SMYD3: variants seen among roughly 807,000 people sequenced by gnomAD.
SMYD3 encodes SET and MYND domain containing 3.
SMYD3 carries 36 observed loss-of-function variants against 57.7 expected under a neutral mutation model. The observed-to-expected ratio is 0.62, with a 90% CI of 0.48 to 0.82. The LOEUF (loss-of-function observed/expected upper bound fraction) is 0.82, where lower values mean the gene tolerates loss of function less well. Ranked by LOEUF, SMYD3 falls within the 40% of genes least tolerant of loss-of-function variation. The pLI, the probability that SMYD3 is intolerant of heterozygous loss-of-function variation, is 0.00. For missense variants in SMYD3, 515 were observed against 538.8 expected, an observed-to-expected ratio of 0.96 and a Z score of 0.44; for synonymous variants, 211 against 195.0, an observed-to-expected ratio of 1.08 and a Z score of -0.68.
rs1347930723 is a variant in SMYD3 at position 246,203,546 on chromosome 1, C to T, written c.531+123655G>A. Among the ~76,000 whole-genome samples, 2 of 152,210 alleles carry T rather than the reference C, an allele frequency of 1.3e-5. No individual in the cohort carries two copies. The highest frequency in any genetic ancestry group is 2.9e-5 in the Non-Finnish European group (2 of 68,042). On this transcript the variant is annotated intron_variant, in intron 5 of 11. Transcript: ENST00000490107. The surrounding 1 kb of genome is among the most constrained non-coding windows in gnomAD (Gnocchi z 4.6). ...TGGAGGAGCCACTGTCTTGCTGCCT[C>T]CTGACACGGCAGTCCCTCTGCGCAC...
At chr1:246,012,083 A>C (rs1024146232) in intron 5 of SMYD3, among the ~76,000 whole-genome samples, 1 of 152,160 alleles carries the variant, frequency 6.6e-6, no homozygotes, top group African/African-American at 2.4e-5. Flanking sequence ...CGATGACTGA[A>C]CATAAGCCAA....
At chr1:246,350,867 C>T (rs541555488) in intron 2 of SMYD3, among the ~76,000 whole-genome samples, 2 of 152,164 alleles carry the variant, frequency 1.3e-5, no homozygotes, top group African/African-American at 4.8e-5. Flanking sequence ...AACTGAAATA[C>T]GACCAAATCG....
At chr1:246,218,086 T>C (rs2063191481) in intron 5 of SMYD3, among the ~76,000 whole-genome samples, 1 of 152,138 alleles carries the variant, frequency 6.6e-6, no homozygotes, top group African/African-American at 2.4e-5. Flanking sequence ...TGCAGTTACA[T>C]GACCATCACG....
rs541876414 is a variant in SMYD3, at chr1:245,812,400, A to G, written c.1076+46096T>C. Among the ~76,000 whole-genome samples the G allele has an allele frequency of 9.9e-5, 15 of 152,254 alleles. No homozygotes were observed. In the South Asian group the frequency reaches 3.1e-3, roughly 32 times the overall value. Reference sequence around the variant, plus strand: ...TGTAAACCTTCCCCTACTACCAGGCACCACCACTGCTATCTGATGGCCGCA... The same window carrying G: ...TGTAAACCTTCCCCTACTACCAGGCGCCACCACTGCTATCTGATGGCCGCA... On this transcript the variant is annotated intron_variant, in intron 10 of 11. Transcript: ENST00000490107.
intron 5 of SMYD3, among the ~76,000 whole-genome samples, chr1:246,236,957 AC>A (rs530906552): frequency 2.6e-5 from 4 of 152,102 alleles, no homozygotes; most frequent in Non-Finnish European, 5.9e-5. Flanking sequence ...CCATTCCTCC[AC>A]CTTGCTGGGC....
intron 5 of SMYD3, among the ~76,000 whole-genome samples, chr1:246,020,312 C>A (rs61839429): frequency 0.17 from 25,173 of 152,166 alleles, 2,570 homozygotes; most frequent in East Asian, 0.39. Context: ...CTGTGATTTT[C>A]AACGAGAAAT....
intron 11 of SMYD3, among the ~76,000 whole-genome samples, chr1:245,751,610 G>A (rs1368143793): frequency 1.5e-5 from 2 of 129,796 alleles, no homozygotes; most frequent in Non-Finnish European, 3.5e-5. Context: ...GAGAGAGAAA[G>A]AGAGAGAGAA....
intron 5 of SMYD3, among the ~76,000 whole-genome samples, chr1:246,180,168 A>G (rs543396015): frequency 1.3e-5 from 2 of 148,994 alleles, no homozygotes; most frequent in East Asian, 3.9e-4. Context: ...GATATATTAG[A>G]AAATATATAT....
At chr1:246,163,127 G>A (rs1412428222) in intron 5 of SMYD3, among the ~76,000 whole-genome samples, 2 of 152,162 alleles carry the variant, frequency 1.3e-5, no homozygotes, top group African/African-American at 4.8e-5. Context: ...AGAATTTATT[G>A]TGACTCTTAC....
intron 10 of SMYD3, among the ~76,000 whole-genome samples, chr1:245,843,137 T>A (rs10733107): frequency 0.97 from 147,500 of 152,278 alleles, 71,599 homozygotes; most frequent in East Asian, 1. Context: ...CTTCCATGTC[T>A]TAATACTCTC....
intron 5 of SMYD3, among the ~76,000 whole-genome samples, chr1:246,088,391 T>C (rs4587539): frequency 0.77 from 116,410 of 150,416 alleles, 45,442 homozygotes; most frequent in Admixed American, 0.83. Flanking sequence ...GGGCGGATCA[T>C]GAGGTCAGGA....
intron 5 of SMYD3, among the ~76,000 whole-genome samples, chr1:246,281,963 G>GA (rs2064450830): frequency 1.3e-5 from 2 of 151,782 alleles, no homozygotes; most frequent in African/African-American, 4.8e-5. Context: ...TATTAAAGAG[G>GA]AAAAAAGAGA....
chr1:246,242,758 T>A (rs962152290), intron 5 of SMYD3, among the ~76,000 whole-genome samples: 1 of 151,370 alleles, frequency 6.6e-6, no homozygotes, highest in Admixed American at 6.6e-5. Flanking sequence ...GAGGAAGATC[T>A]ACCAAGCAAA....
chr1:246,080,956 T>C (rs2147837266), intron 5 of SMYD3, among the ~76,000 whole-genome samples: 1 of 152,306 alleles, frequency 6.6e-6, no homozygotes, highest in Non-Finnish European at 1.5e-5. Flanking sequence ...CATGTATATT[T>C]TCATAAGGAT....
intron 5 of SMYD3, among the ~76,000 whole-genome samples, chr1:246,305,531 A>C (rs1232986127): frequency 6.6e-6 from 1 of 152,248 alleles, no homozygotes; most frequent in Non-Finnish European, 1.5e-5. Flanking sequence ...TCTGCTTAAA[A>C]ATGAATATTA....
intron 1 of SMYD3, among the ~76,000 whole-genome samples, chr1:246,458,063 A>G (rs1402701554): frequency 2.0e-5 from 3 of 152,058 alleles, no homozygotes; most frequent in African/African-American, 7.2e-5. Flanking sequence ...TTCTGGTCCA[A>G]CTTTCCTGTT....
intron 10 of SMYD3, among the ~76,000 whole-genome samples, chr1:245,790,868 AT>A (rs1268117827): frequency 6.6e-6 from 1 of 151,938 alleles, no homozygotes; most frequent in East Asian, 1.9e-4. Flanking sequence ...AGATAAAATG[AT>A]TTTTTTTCTG....
At chr1:246,274,954 A>C (rs1161920716) in intron 5 of SMYD3, among the ~76,000 whole-genome samples, 2 of 152,170 alleles carry the variant, frequency 1.3e-5, no homozygotes, top group Non-Finnish European at 2.9e-5. Flanking sequence ...CTCAATGACT[A>C]CTGTAGCTGG....
At chr1:245,917,202 C>G (rs1489104064) in intron 7 of SMYD3, among the ~76,000 whole-genome samples, 1 of 152,058 alleles carries the variant, frequency 6.6e-6, no homozygotes. Flanking sequence ...GGCTAATTTT[C>G]TGTATTTCTT....
Sources: allele counts gnomAD v4.1 joint callset (sites outside exome capture counted in the v4.1 genomes callset), GRCh38; gene constraint gnomAD v4.1.1; non-coding constraint Gnocchi (gnomAD v3.1); transcripts MANE v1.5; gene names NCBI Gene and HGNC (gene_info 2026-07-23, HGNC 2026-07-21).